Variants in MAML3 observed in about 807,000 individuals in gnomAD.
MAML3 encodes the protein mastermind-like protein 3.
A neutral mutation model predicts 101.9 loss-of-function variants in MAML3; 27 were observed. That is an observed-to-expected ratio of 0.27 (90% CI 0.20 to 0.37). The LOEUF is 0.37. Among genes scored for constraint, MAML3 ranks in the 10% least tolerant of loss-of-function variants. The pLI is 1.00. For missense variants in MAML3, 1,316 were observed against 1,444.9 expected (o/e 0.91, Z 1.45); for synonymous variants, 501 against 555.9 (o/e 0.90, Z 1.39).
At chr4:140,058,610 GTATTT>G (rs1727393305) in intron 1 of MAML3, among the ~76,000 whole-genome samples, 1 of 81,516 alleles carries the variant, frequency 1.2e-5, no homozygotes, top group Non-Finnish European at 3.2e-5. Flanking sequence ...TATTTTCTTA[GTATTT>G]GTATCTTGCC....
chr4:139,916,457 G>T (rs1733030148), intron 1 of MAML3, among the ~76,000 whole-genome samples: 1 of 152,226 alleles, frequency 6.6e-6, no homozygotes, highest in African/African-American at 2.4e-5. Flanking sequence ...CAGGCCACCT[G>T]TGTGGGGTCA....
At chr4:140,110,015 A>T (rs1728413913) in intron 1 of MAML3, among the ~76,000 whole-genome samples, 2 of 152,342 alleles carry the variant, frequency 1.3e-5, no homozygotes, top group South Asian at 4.1e-4. Flanking sequence ...AAGGAATCTT[A>T]AGTGGAAAAC....
chr4:139,875,314 CAGG>C (rs1732091203), intron 2 of MAML3, among the ~76,000 whole-genome samples: 1 of 152,122 alleles, frequency 6.6e-6, no homozygotes, highest in Admixed American at 6.5e-5. Flanking sequence ...GTTCTCAAGT[CAGG>C]AGAAGGTGGA....
intron 2 of MAML3, among the ~76,000 whole-genome samples, chr4:139,754,211 T>G (rs1050385087): frequency 6.6e-6 from 1 of 152,244 alleles, no homozygotes; most frequent in Non-Finnish European, 1.5e-5. Flanking sequence ...AGGTCAATTA[T>G]GGGTGAGTTT....
intron 1 of MAML3, among the ~76,000 whole-genome samples, chr4:139,999,690 G>A (rs981691711): frequency 1.1e-4 from 16 of 152,196 alleles, no homozygotes; most frequent in Admixed American, 3.3e-4. Context: ...AATATAACTT[G>A]TATAGTGTCA....
chr4:139,799,625 A>C (rs1322377315), intron 2 of MAML3, among the ~76,000 whole-genome samples: 1 of 152,238 alleles, frequency 6.6e-6, no homozygotes, highest in East Asian at 1.9e-4. Context: ...GAAGCTTATA[A>C]ATTAGAAATG....
intron 1 of MAML3, among the ~76,000 whole-genome samples, chr4:139,911,262 G>A (rs4435691): frequency 0.34 from 50,981 of 150,758 alleles, 11,181 homozygotes; most frequent in Non-Finnish European, 0.49. Context: ...CTGTTGCCCA[G>A]GCTGCAGTGC....
intron 1 of MAML3, among the ~76,000 whole-genome samples, chr4:140,001,851 CA>C (rs1411434986): frequency 3.9e-5 from 6 of 152,074 alleles, no homozygotes; most frequent in Non-Finnish European, 8.8e-5. Flanking sequence ...AAAAACAAAC[CA>C]GGTTTACACA....
chr4:139,895,085 T>C (rs1732583885), intron 1 of MAML3, among the ~76,000 whole-genome samples: 1 of 152,132 alleles, frequency 6.6e-6, no homozygotes, highest in Non-Finnish European at 1.5e-5. Flanking sequence ...TGTAAAATGG[T>C]GGTGGCCAAG....
At chr4:139,801,676 GTGTGTC>G (rs1175725361) in intron 2 of MAML3, among the ~76,000 whole-genome samples, 1,755 of 75,496 alleles carry the variant, frequency 0.023, 7 homozygotes, top group Middle Eastern at 0.038. Context: ...GTGTGTGTGT[GTGTGTC>G]TGTGTGTGTG....
At chr4:139,907,892 C>T (rs1035151665) in intron 1 of MAML3, among the ~76,000 whole-genome samples, 2 of 152,142 alleles carry the variant, frequency 1.3e-5, no homozygotes, top group African/African-American at 2.4e-5. Context: ...AGGGTCTGAA[C>T]GTGTCAGTTT....
chr4:139,967,474 AC>A lies in MAML3; in HGVS notation c.469-76508del, dbSNP rs1212148469. On this transcript the variant is annotated intron_variant, in intron 1 of 4. Transcript: ENST00000509479. ...TGTTAGTTTTCTTTTTAAGGGACAC[AC>A]ACACACACACACACACACACACACA... is the stretch of plus-strand genomic sequence containing the variant. Among the ~76,000 whole-genome samples the A allele has an allele frequency of 2.6e-4, 7 of 26,598 alleles. No homozygotes were observed. In the East Asian group the frequency reaches 3.3e-3, roughly 12 times the overall value. 17.4% of individuals were successfully genotyped at this position (26,598 alleles called of 152,430 possible).
intron 1 of MAML3, among the ~76,000 whole-genome samples, chr4:140,115,617 C>T (rs974419485): frequency 1.3e-5 from 2 of 152,124 alleles, no homozygotes; most frequent in Non-Finnish European, 1.5e-5. Context: ...AGAGCAGGTA[C>T]ATAAGTTCAT....
At position 139,772,035 on chromosome 4, in the gene MAML3, C is replaced by T. The variant is rs534887261; in HGVS notation, c.2080-41368G>A. 2.0e-4 allele frequency among the ~76,000 whole-genome samples: 30 copies of T among 150,580 alleles called. No individual in the cohort carries two copies. The South Asian group carries it at 4.2e-3, about 21-fold the overall frequency. ...TGGGCGGATCACGAGGTCAGCAGAT[C>T]CAGACCATCCTGGCTAACACGGTGA... On this transcript the variant is annotated intron_variant, in intron 2 of 4. Transcript: ENST00000509479.
chr4:140,026,079 A>G (rs1399757082), intron 1 of MAML3, among the ~76,000 whole-genome samples: 6 of 152,164 alleles, frequency 3.9e-5, no homozygotes, highest in African/African-American at 1.4e-4. Context: ...CTTCAAGACA[A>G]CTAATATCCC....
intron 1 of MAML3, among the ~76,000 whole-genome samples, chr4:140,140,995 T>C (rs1728971232): frequency 6.6e-6 from 1 of 152,204 alleles, no homozygotes; most frequent in Non-Finnish European, 1.5e-5. Context: ...AGATGAGAAC[T>C]GCTCTTTGCC....
intron 1 of MAML3, among the ~76,000 whole-genome samples, chr4:139,949,012 T>G (rs1402793425): frequency 6.6e-6 from 1 of 152,072 alleles, no homozygotes. Context: ...AGTAGAAATT[T>G]TTTTTTTCTT....
At chr4:140,151,398 G>A (rs1729164705) in intron 1 of MAML3, among the ~76,000 whole-genome samples, 2 of 151,894 alleles carry the variant, frequency 1.3e-5, no homozygotes, top group South Asian at 2.1e-4. Context: ...GGGACGTGGG[G>A]AGCGAGCACT....
intron 2 of MAML3, among the ~76,000 whole-genome samples, chr4:139,824,593 T>C (rs1731028695): frequency 6.6e-6 from 1 of 152,228 alleles, no homozygotes; most frequent in Non-Finnish European, 1.5e-5. Flanking sequence ...TTAAAAGCTC[T>C]GTGGTTTGCA....
Sources: gnomAD v4.1 joint callset for allele counts (sites outside exome capture counted in the v4.1 genomes callset) on GRCh38, gnomAD v4.1.1 for gene constraint, MANE v1.5 for transcripts, NCBI Gene and HGNC (gene_info 2026-07-23, HGNC 2026-07-21) for gene names.